The following SLC10A1 variants were observed in gnomAD, a reference collection of about 807,000 sequenced individuals.
SLC10A1 encodes the protein hepatic sodium/bile acid cotransporter.
SLC10A1 carries 36 observed loss-of-function variants against 20.5 expected under a neutral mutation model. The observed-to-expected ratio is 1.75, with a 90% CI of 1.34 to 2.32. SLC10A1 has a LOEUF of 2.32. Ranked by LOEUF, SLC10A1 falls within the 30% of genes most tolerant of loss-of-function variation. The probability of loss-of-function intolerance (pLI) is 0.00; values close to 1 mark genes in which losing one functional copy is unlikely to be tolerated. For missense variants in SLC10A1, 545 were observed against 439.1 expected (o/e 1.24, Z -2.16); for synonymous variants, 188 against 163.6 (o/e 1.15, Z -1.14).
rs200739093 is a variant in SLC10A1, at chr14:69,778,452, G to C, written c.824C>G (p.Pro275Arg). Residue 275 changes from proline (P) to arginine (R), a missense_variant, in exon 4 of 5, where the codon CCA (proline) becomes CGA (arginine). Pro to Arg is a moderately radical substitution (Grantham distance 103, BLOSUM62 -2). Transcript: ENST00000216540. ...GAAAAGTGGTCCAATGACTTCAGGTGGAAAGGCCACATTGAGGATGGTGGA... is the reference window on the plus strand; with the variant it reads ...GAAAAGTGGTCCAATGACTTCAGGTCGAAAGGCCACATTGAGGATGGTGGA... ...LCSTILNVAF[P>R]PEVIGPLFFF... 3.7e-6 allele frequency: 6 copies of C among 1,613,992 alleles called. No homozygotes were observed. Among genetic ancestry groups the C allele is most frequent in the Non-Finnish European group, 5.1e-6 (6 of 1,179,958 alleles).
chr14:69,779,143 A>C (rs928722762), intron 3 of SLC10A1, 39 bp downstream of exon 3: 3 of 1,482,228 alleles, frequency 2.0e-6, no homozygotes, highest in Non-Finnish European at 2.7e-6. Context: ...CCTGGGCAAC[A>C]GAGTGAGACC....
At chr14:69,780,460 T>C (rs976099040) in intron 2 of SLC10A1, among the ~76,000 whole-genome samples, 1 of 152,240 alleles carries the variant, frequency 6.6e-6, no homozygotes, top group African/African-American at 2.4e-5. Context: ...CATTCACATG[T>C]GTTGCATTTT....
chr14:69,776,247 C>T lies in SLC10A1; in HGVS notation c.*35G>A. On this transcript the variant is annotated 3_prime_UTR_variant, in exon 5 of 5. Coordinates refer to ENST00000216540, the MANE Select transcript of SLC10A1 (RefSeq NM_003049.4). ...TTTACCACACTGGCTTTCAGAATTG[C>T]TTTGGGACCAGAATCCAGGCCACCA... 1 of 1,535,308 alleles carries T rather than the reference C, an allele frequency of 6.5e-7. No individual in the cohort carries two copies. Among genetic ancestry groups the T allele is most frequent in the South Asian group, 1.1e-5 (1 of 88,496 alleles).
At chr14:69,795,482 T>C (rs1369045435) in intron 1 of SLC10A1, among the ~76,000 whole-genome samples, 3 of 150,718 alleles carry the variant, frequency 2.0e-5, no homozygotes, top group Non-Finnish European at 4.4e-5. Flanking sequence ...CATGACTCAC[T>C]GTAGCCTTGA....
chr14:69,792,920 C>T (rs995942151), intron 1 of SLC10A1, among the ~76,000 whole-genome samples: 4 of 151,440 alleles, frequency 2.6e-5, no homozygotes, highest in African/African-American at 7.3e-5. Context: ...ATCCCGCAGT[C>T]TATCTTGTTT....
chr14:69,776,158 T>C lies in SLC10A1; in HGVS notation c.*124A>G. The C allele has an allele frequency of 2.8e-6, 2 of 708,706 alleles. No individual in the cohort carries two copies. Among genetic ancestry groups the C allele is most frequent in the Middle Eastern group, 4.1e-4 (1 of 2,410 alleles). 43.9% of individuals were successfully genotyped at this position (708,706 alleles called of 1,614,324 possible). A position where few individuals can be genotyped will look rare whatever the true frequency, so the allele number is the denominator to read the frequency against. ...CCCGGCCAAGACTTGATGATTCTGA[T>C]AGATGTACTGGAAATGCTGGAGAAA... is the stretch of plus-strand genomic sequence containing the variant. On this transcript the variant is annotated 3_prime_UTR_variant, in exon 5 of 5. Transcript: ENST00000216540.
intron 4 of SLC10A1, among the ~76,000 whole-genome samples, chr14:69,777,753 CAT>C (rs949550159): frequency 9.9e-5 from 15 of 151,634 alleles, no homozygotes; most frequent in Non-Finnish European, 1.8e-4. Flanking sequence ...AAGTATAAAT[CAT>C]ATTAAGTTTA....
chr14:69,787,000 G>GTCC (rs2139717850), intron 1 of SLC10A1, among the ~76,000 whole-genome samples: 1 of 152,300 alleles, frequency 6.6e-6, no homozygotes, highest in East Asian at 1.9e-4. Flanking sequence ...TAGTGAAGCA[G>GTCC]TAAGAAACAG....
Position 69,776,208 on chromosome 14 carries a change from G to T in SLC10A1, c.*74C>A. On this transcript the variant is annotated 3_prime_UTR_variant, in exon 5 of 5. Transcript: ENST00000216540. ...AGACTCAGGCAAGACTGGTGTTTTT[G>T]CTGCTCTCTCTAGTTTACCACACTG... 1.9e-6 allele frequency: 2 copies of T among 1,034,414 alleles called. No individual in the cohort carries two copies. The highest frequency in any genetic ancestry group is 3.0e-6 in the Non-Finnish European group (2 of 677,760). The allele number at this position is 1,034,414 out of a possible 1,614,324, so 64.1% of individuals were successfully genotyped here.
intron 1 of SLC10A1, among the ~76,000 whole-genome samples, chr14:69,794,983 T>C (rs763701360): frequency 1.2e-4 from 18 of 152,184 alleles, no homozygotes; most frequent in Non-Finnish European, 2.9e-5. Context: ...AAAAGCACAG[T>C]TGCCTTCCAC....
intron 2 of SLC10A1, among the ~76,000 whole-genome samples, 158 bp from the exon 3 acceptor site, chr14:69,779,518 T>C (rs764181818): frequency 6.6e-6 from 1 of 152,208 alleles, no homozygotes; most frequent in Non-Finnish European, 1.5e-5. Context: ...TTGGATTCCT[T>C]TCTTTAAATT....
At chr14:69,784,596 A>T (rs145590605) in intron 2 of SLC10A1, among the ~76,000 whole-genome samples, 10 of 152,262 alleles carry the variant, frequency 6.6e-5, no homozygotes, top group African/African-American at 1.7e-4. Flanking sequence ...ATTAGGTGGA[A>T]TGGGAGGTGG....
intron 1 of SLC10A1, among the ~76,000 whole-genome samples, chr14:69,795,681 GGGAT>G (rs1882374386): frequency 6.6e-6 from 1 of 152,038 alleles, no homozygotes; most frequent in Admixed American, 6.6e-5. Flanking sequence ...CCAAAGTGCT[GGGAT>G]TATAGGTGTG....
chr14:69,783,968 T>TTA (rs759537345), intron 2 of SLC10A1, among the ~76,000 whole-genome samples: 129 of 152,222 alleles, frequency 8.5e-4, no homozygotes, highest in Non-Finnish European at 1.6e-3. Context: ...TTAACATATA[T>TTA]TGAGTTTTAA....
intron 2 of SLC10A1, among the ~76,000 whole-genome samples, chr14:69,781,800 G>A (rs1336607398): frequency 1.3e-5 from 2 of 152,166 alleles, no homozygotes; most frequent in Admixed American, 6.5e-5. Flanking sequence ...TACTTGAATT[G>A]CCTTTTAAAA....
chr14:69,786,943 G>A (rs537031385), intron 1 of SLC10A1, among the ~76,000 whole-genome samples: 1 of 152,260 alleles, frequency 6.6e-6, no homozygotes, highest in Non-Finnish European at 1.5e-5. Flanking sequence ...AACCCTACTA[G>A]AAAAATCAAT....
intron 1 of SLC10A1, among the ~76,000 whole-genome samples, chr14:69,793,735 G>A (rs1882328090): frequency 6.6e-6 from 1 of 152,196 alleles, no homozygotes; most frequent in Admixed American, 6.5e-5. Flanking sequence ...TGAGTCCGAT[G>A]GTGGCAGGGG....
intron 1 of SLC10A1, among the ~76,000 whole-genome samples, chr14:69,789,459 G>T (rs1444108906): frequency 6.6e-6 from 1 of 152,160 alleles, no homozygotes; most frequent in Non-Finnish European, 1.5e-5. Context: ...AGATACAAAA[G>T]GTCACATATT....
intron 1 of SLC10A1, among the ~76,000 whole-genome samples, chr14:69,789,913 G>GT (rs1566638130): frequency 1.6e-5 from 2 of 121,256 alleles, no homozygotes; most frequent in African/African-American, 8.2e-5. Context: ...CCAAAAATAG[G>GT]GTTTTTTTTT....
Sources: gnomAD v4.1 joint callset for allele counts (sites outside exome capture counted in the v4.1 genomes callset) on GRCh38, gnomAD v4.1.1 for gene constraint, MANE v1.5 for transcripts, NCBI Gene and HGNC (gene_info 2026-07-23, HGNC 2026-07-21) for gene names.